SGK1: variants seen among roughly 807,000 people sequenced by gnomAD.
The protein encoded by SGK1 is serum/glucocorticoid regulated kinase 1.
A neutral mutation model predicts 64.2 loss-of-function variants in SGK1; 26 were observed. The observed-to-expected ratio is 0.40, with a 90% CI of 0.30 to 0.56. SGK1 has a LOEUF of 0.56. Among genes scored for constraint, SGK1 ranks in the 20% least tolerant of loss-of-function variants. The pLI is 0.38. For synonymous variants in SGK1, 265 were observed against 239.7 expected (o/e 1.11, Z -0.98); for missense variants, 519 against 645.6 (o/e 0.80, Z 2.12).
intron 1 of SGK1, among the ~76,000 whole-genome samples, chr6:134,292,852 G>A (rs1022696608): frequency 6.6e-6 from 1 of 152,164 alleles, no homozygotes; most frequent in African/African-American, 2.4e-5. Context: ...TTTAAAGAAG[G>A]TTGGAAGTAC....
At chr6:134,203,678 T>C (rs573792947) in intron 3 of SGK1, among the ~76,000 whole-genome samples, 2 of 152,164 alleles carry the variant, frequency 1.3e-5, no homozygotes, top group East Asian at 3.9e-4. Flanking sequence ...TCAGAAGAAA[T>C]AGACTTAAAA....
chr6:134,208,153 C>A (rs1313159911), intron 2 of SGK1, among the ~76,000 whole-genome samples: 3 of 152,124 alleles, frequency 2.0e-5, no homozygotes, highest in Non-Finnish European at 2.9e-5. Flanking sequence ...CTCAAATGAT[C>A]CGCCCACCTC....
chr6:134,176,001 T>C (rs1413175505), intron 3 of SGK1: 7 of 1,052,834 alleles, frequency 6.6e-6, no homozygotes, highest in Admixed American at 5.5e-5. Flanking sequence ...CATTTCACTT[T>C]TTTTTTTCTG....
intron 1 of SGK1, among the ~76,000 whole-genome samples, chr6:134,315,759 G>C (rs1292108506): frequency 6.6e-6 from 1 of 152,010 alleles, no homozygotes; most frequent in Non-Finnish European, 1.5e-5. Flanking sequence ...GAAAATTAGG[G>C]CTGGGCCTGG....
chr6:134,201,955 A>C (rs1171896680), intron 3 of SGK1, among the ~76,000 whole-genome samples: 1 of 152,204 alleles, frequency 6.6e-6, no homozygotes, highest in Non-Finnish European at 1.5e-5. Flanking sequence ...TCAAACTGTG[A>C]GAAAACTACT....
intron 2 of SGK1, among the ~76,000 whole-genome samples, chr6:134,226,398 G>T (rs1225953063): frequency 6.6e-6 from 1 of 151,130 alleles, no homozygotes; most frequent in Non-Finnish European, 1.5e-5. Flanking sequence ...TTTTGTTTTT[G>T]TTTTTTTAAA....
rs368701386 is a variant in SGK1 at position 134,235,541 on chromosome 6, T to TTTTATTTA, written c.285+26384_285+26391dup. ...AGGAGGAAGTGGAAAAAATAGATAT[T>TTTTATTTA]TTTATTTATTTATTTATTTATTTAT... On this transcript the variant is annotated intron_variant, in intron 2 of 13. Transcript: ENST00000367858. 8.5e-3 allele frequency among the ~76,000 whole-genome samples: 787 copies of TTTTATTTA among 92,104 alleles called. 5 individuals are homozygous for TTTTATTTA. The highest frequency in any genetic ancestry group is 0.018 in the African/African-American group (401 of 22,684). The allele number at this position is 92,104 out of a possible 152,430, so 60.4% of individuals were successfully genotyped here.
intron 1 of SGK1, among the ~76,000 whole-genome samples, chr6:134,264,549 A>G (rs956454627): frequency 2.0e-5 from 3 of 152,214 alleles, no homozygotes; most frequent in African/African-American, 7.2e-5. Flanking sequence ...TTTATATTCA[A>G]CCAATTAGTG....
Position 134,171,066 on chromosome 6 carries a change from A to G in SGK1, c.1280T>C (p.Leu427Pro). ...NSARHLLEGL[L>P]QKDRTKRLGA... ...GAGCCGCTTTGTCCTGTCCTTCTGC[A>G]GGAGGCCCTCCAGGAGGTGTCTTGC... The change falls in exon 12 of 14, where the codon CTG (leucine) becomes CCG (proline). Residue 427 changes from leucine (L) to proline (P), a missense_variant. Physicochemically the swap from Leu to Pro is moderately conservative, Grantham distance 98 (BLOSUM62 -3). Coordinates refer to ENST00000367858, the MANE Select transcript of SGK1 (RefSeq NM_001143676.3). 6.2e-7 allele frequency: 1 copy of G among 1,614,130 alleles called. No homozygotes were observed. The highest frequency in any genetic ancestry group is 8.5e-7 in the Non-Finnish European group (1 of 1,180,006).
At chr6:134,220,058 C>CAAAAAAAAAAAAAAAAAAAAAAAAAAA (rs55870107) in intron 2 of SGK1, among the ~76,000 whole-genome samples, 2 of 61,350 alleles carry the variant, frequency 3.3e-5, no homozygotes, top group Non-Finnish European at 2.5e-5. Context: ...GACTCCGTCT[C>CAAAAAAAAAAAAAAAAAAAAAAAAAAA]AAAAAAAAAA....
chr6:134,212,814 C>A (rs962751391), intron 2 of SGK1, among the ~76,000 whole-genome samples: 5 of 152,128 alleles, frequency 3.3e-5, no homozygotes, highest in African/African-American at 1.2e-4. Flanking sequence ...TAACTATATA[C>A]CTATTTGGGA....
chr6:134,294,225 T>C (rs1168488805), intron 1 of SGK1, among the ~76,000 whole-genome samples: 1 of 152,204 alleles, frequency 6.6e-6, no homozygotes, highest in African/African-American at 2.4e-5. Flanking sequence ...TTTTTTTCAT[T>C]GTGATGAAAT....
At chr6:134,223,922 A>G (rs1433239821) in intron 2 of SGK1, among the ~76,000 whole-genome samples, 1 of 152,224 alleles carries the variant, frequency 6.6e-6, no homozygotes, top group African/African-American at 2.4e-5. Context: ...GCTTGCACAG[A>G]AAGTGCTTCT....
At chr6:134,189,229 C>T (rs868500710) in intron 3 of SGK1, among the ~76,000 whole-genome samples, 36 of 100,192 alleles carry the variant, frequency 3.6e-4, no homozygotes, top group Non-Finnish European at 5.0e-4. Flanking sequence ...TGTGTGTGTG[C>T]GTGTGCGTGT....
chr6:134,171,241 TAGAGAA>T (rs369841718), intron 11 of SGK1, 63 bp from the exon 12 acceptor site: 1 of 1,459,940 alleles, frequency 6.8e-7, no homozygotes, highest in Non-Finnish European at 9.6e-7. Context: ...ACATTACCAG[TAGAGAA>T]AAAGATATAA....
In SGK1 at chr6:134,220,081, A is replaced by G. The variant is rs1306329928; in HGVS notation, c.286-12650T>C. Among the ~76,000 whole-genome samples the G allele has an allele frequency of 1.0e-4, 13 of 129,594 alleles. No homozygotes were observed. The East Asian group carries it at 1.2e-3, about 12-fold the overall frequency. 85.0% of individuals were successfully genotyped at this position (129,594 alleles called of 152,430 possible). A position where few individuals can be genotyped will look rare whatever the true frequency, so the allele number is the denominator to read the frequency against. ...CTCAAAAAAAAAAAAAAAAAAAAAAAAAAAAAGAAAAGAAAAGAAAAGAAA... is the reference window on the plus strand; with the variant it reads ...CTCAAAAAAAAAAAAAAAAAAAAAAGAAAAAAGAAAAGAAAAGAAAAGAAA... On this transcript the variant is annotated intron_variant, in intron 2 of 13. Coordinates refer to ENST00000367858, the MANE Select transcript of SGK1 (RefSeq NM_001143676.3).
At chr6:134,254,729 A>G (rs2114739708) in intron 2 of SGK1, among the ~76,000 whole-genome samples, 1 of 150,136 alleles carries the variant, frequency 6.7e-6, no homozygotes, top group South Asian at 2.1e-4. Context: ...ACTCACACTC[A>G]TAGATAAACA....
intron 3 of SGK1, among the ~76,000 whole-genome samples, chr6:134,188,330 CTA>C (rs996838907): frequency 3.2e-4 from 49 of 152,192 alleles, no homozygotes; most frequent in African/African-American, 1.2e-3. Context: ...TCCAGCCAAA[CTA>C]TTGGCCACAG....
chr6:134,214,419 C>T (rs868288643), intron 2 of SGK1, among the ~76,000 whole-genome samples: 80 of 152,100 alleles, frequency 5.3e-4, no homozygotes, highest in African/African-American at 1.8e-3. Flanking sequence ...GGTGAAACCC[C>T]GTCTCTACTA....
Sources: gnomAD v4.1 joint callset for allele counts (sites outside exome capture counted in the v4.1 genomes callset) on GRCh38, gnomAD v4.1.1 for gene constraint, MANE v1.5 for transcripts, NCBI Gene and HGNC (gene_info 2026-07-23, HGNC 2026-07-21) for gene names.